Variants in CNTN5 observed in about 807,000 individuals in gnomAD.
CNTN5 encodes the protein contactin 5.
In CNTN5, 77 loss-of-function variants were observed where a neutral mutation model predicts 129.1. That is an observed-to-expected ratio of 0.60 (90% CI 0.50 to 0.72). CNTN5 has a LOEUF of 0.72. Ranked by LOEUF, CNTN5 falls within the 30% of genes least tolerant of loss-of-function variation. The pLI is 0.00. For missense variants in CNTN5, 1,478 were observed against 1,328.8 expected, an observed-to-expected ratio of 1.11 and a Z score of -1.75; for synonymous variants, 509 against 465.6, an observed-to-expected ratio of 1.09 and a Z score of -1.20.
chr11:100,273,579 C>T (rs1950447471), intron 18 of CNTN5, among the ~76,000 whole-genome samples: 1 of 152,104 alleles, frequency 6.6e-6, no homozygotes, highest in African/African-American at 2.4e-5. Flanking sequence ...GCACCCAGAC[C>T]TGCACCTGTC....
chr11:99,133,821 A>T, intron 1 of CNTN5, among the ~76,000 whole-genome samples: 1 of 152,178 alleles, frequency 6.6e-6, no homozygotes, highest in Non-Finnish European at 1.5e-5. Flanking sequence ...AATGTAAAAT[A>T]GTTCGACCAT....
intron 1 of CNTN5, among the ~76,000 whole-genome samples, chr11:99,285,655 A>G (rs894340836): frequency 6.6e-6 from 1 of 152,138 alleles, no homozygotes; most frequent in Non-Finnish European, 1.5e-5. Flanking sequence ...CTAGAATGTA[A>G]ACAATAGCAG....
In CNTN5 at chr11:99,789,852, T is replaced by C. The variant is rs1591183010; in HGVS notation, c.56-29692T>C. On this transcript the variant is annotated intron_variant, in intron 3 of 24. Transcript: ENST00000524871. ...TTATATTGCGTGATGCTGAGGTTTA[T>C]GGTACAATTGATCCCATCATCCAGG... 3.3e-5 allele frequency among the ~76,000 whole-genome samples: 5 copies of C among 152,126 alleles called. No homozygotes were observed. In the South Asian group the frequency reaches 1.0e-3, roughly 31 times the overall value.
intron 1 of CNTN5, among the ~76,000 whole-genome samples, chr11:99,323,391 G>A (rs185312920): frequency 5.2e-4 from 79 of 152,096 alleles, no homozygotes; most frequent in Non-Finnish European, 9.4e-4. Context: ...CTTGAAACTT[G>A]AGGAAGGAAT....
At chr11:99,914,975 T>C (rs1307715508) in intron 6 of CNTN5, among the ~76,000 whole-genome samples, 1 of 152,228 alleles carries the variant, frequency 6.6e-6, no homozygotes, top group Non-Finnish European at 1.5e-5. Context: ...TAATATTAAA[T>C]TTGAAGCTCT....
rs193140971 is a variant in CNTN5, at chr11:99,941,135, A to G, written c.674-15671A>G. Among the ~76,000 whole-genome samples, 62 of 152,212 alleles carry G rather than the reference A, an allele frequency of 4.1e-4. 1 individual carries two copies. Among genetic ancestry groups the G allele is most frequent in the Admixed American group, 1.0e-3 (16 of 15,262 alleles). ...AATTAATAATCATATTGTTGCCTCT[A>G]TAAATTTTATTTATGTCAATCTAAC... On this transcript the variant is annotated intron_variant, in intron 7 of 24. Transcript: ENST00000524871.
At chr11:99,257,949 T>C (rs1862450989) in intron 1 of CNTN5, among the ~76,000 whole-genome samples, 1 of 152,010 alleles carries the variant, frequency 6.6e-6, no homozygotes, top group African/African-American at 2.4e-5. Context: ...AGACAAGAGG[T>C]TGACTCACCA....
chr11:99,943,962 T>C (rs1254677705), intron 7 of CNTN5, among the ~76,000 whole-genome samples: 1 of 152,132 alleles, frequency 6.6e-6, no homozygotes, highest in Non-Finnish European at 1.5e-5. Flanking sequence ...TGAAGTCAGG[T>C]AGCATTATGC....
At chr11:100,271,686 G>T (rs900512690) in intron 18 of CNTN5, among the ~76,000 whole-genome samples, 2 of 152,018 alleles carry the variant, frequency 1.3e-5, no homozygotes, top group African/African-American at 4.8e-5. Context: ...ATTACACTTT[G>T]CAAATAGTAA....
chr11:99,748,422 G>T (rs532629791), intron 3 of CNTN5, among the ~76,000 whole-genome samples: 3 of 152,096 alleles, frequency 2.0e-5, no homozygotes, highest in Admixed American at 1.3e-4. Flanking sequence ...CATAGAGAGA[G>T]AGAGAGTGAG....
At chr11:100,159,143 G>A (rs1033070039) in intron 13 of CNTN5, among the ~76,000 whole-genome samples, 5 of 151,602 alleles carry the variant, frequency 3.3e-5, no homozygotes, top group Admixed American at 2.6e-4. Context: ...TAAAACTACA[G>A]GAAAAGTCAA....
chr11:99,525,655 C>T (rs1947456807), intron 2 of CNTN5, among the ~76,000 whole-genome samples: 1 of 152,178 alleles, frequency 6.6e-6, no homozygotes, highest in South Asian at 2.1e-4. Context: ...TGAAGAAATG[C>T]ATAGACTTGC....
At chr11:100,031,318 A>G (rs1941696343) in intron 9 of CNTN5, among the ~76,000 whole-genome samples, 1 of 152,212 alleles carries the variant, frequency 6.6e-6, no homozygotes, top group East Asian at 1.9e-4. Context: ...GAATGAGCCA[A>G]CAGCGCATGA....
At chr11:100,324,167 A>G (rs980626542) in intron 21 of CNTN5, among the ~76,000 whole-genome samples, 1 of 152,178 alleles carries the variant, frequency 6.6e-6, no homozygotes, top group Non-Finnish European at 1.5e-5. Context: ...CCCTGAATAT[A>G]CACTCTGATT....
intron 3 of CNTN5, among the ~76,000 whole-genome samples, chr11:99,770,670 C>A (rs1944913205): frequency 6.6e-6 from 1 of 151,946 alleles, no homozygotes; most frequent in Non-Finnish European, 1.5e-5. Context: ...TAACCTTAGT[C>A]AAATTTTTCT....
intron 3 of CNTN5, among the ~76,000 whole-genome samples, chr11:99,619,905 A>G (rs1052685771): frequency 6.6e-6 from 1 of 151,750 alleles, no homozygotes; most frequent in Non-Finnish European, 1.5e-5. Flanking sequence ...GGGCGCCTGT[A>G]GTCCCAGCTA....
chr11:99,166,656 TCATAA>T (rs908224033), intron 1 of CNTN5, among the ~76,000 whole-genome samples: 39 of 152,226 alleles, frequency 2.6e-4, no homozygotes, highest in African/African-American at 6.7e-4. Flanking sequence ...ACTTACACTG[TCATAA>T]CATATTAAAA....
At chr11:99,545,962 A>G (rs534038168) in intron 2 of CNTN5, among the ~76,000 whole-genome samples, 12 of 151,992 alleles carry the variant, frequency 7.9e-5, no homozygotes, top group East Asian at 7.8e-4. Flanking sequence ...GTTCTCTTAA[A>G]TTCTTCAACA....
chr11:99,125,589 T>G (rs1386938217), intron 1 of CNTN5, among the ~76,000 whole-genome samples: 5 of 152,116 alleles, frequency 3.3e-5, no homozygotes, highest in African/African-American at 1.2e-4. Flanking sequence ...AACATAGTGT[T>G]GTAAGTCCTG....
Sources: allele counts gnomAD v4.1 joint callset (sites outside exome capture counted in the v4.1 genomes callset), GRCh38; gene constraint gnomAD v4.1.1; transcripts MANE v1.5; gene names NCBI Gene and HGNC (gene_info 2026-07-23, HGNC 2026-07-21).